The following RNLS variants were observed in gnomAD, a reference collection of about 807,000 sequenced individuals.
RNLS encodes renalase, FAD dependent amine oxidase.
A neutral mutation model predicts 39.8 loss-of-function variants in RNLS; 39 were observed. That is an observed-to-expected ratio of 0.98 (90% CI 0.76 to 1.28). RNLS has a LOEUF of 1.28. Among genes scored for constraint, RNLS ranks in the 50% most tolerant of loss-of-function variants. The probability of loss-of-function intolerance (pLI) is 0.00; values close to 1 mark genes in which losing one functional copy is unlikely to be tolerated. For synonymous variants in RNLS, 147 were observed against 150.7 expected, an observed-to-expected ratio of 0.98 and a Z score of 0.18; for missense variants, 410 against 413.3, an observed-to-expected ratio of 0.99 and a Z score of 0.07.
chr10:88,280,959 T>A (rs1378548664), downstream of RNLS, among the ~76,000 whole-genome samples: 4 of 152,190 alleles, frequency 2.6e-5, no homozygotes, highest in Non-Finnish European at 4.4e-5. Flanking sequence ...TTCCTTCTCC[T>A]TAGCAGGCTC....
rs577838661 is a variant in RNLS at position 88,310,801 on chromosome 10, C to CAAAAAAAAAAAAAA, written c.876+3651_876+3664dup. Reference sequence around the variant, plus strand: ...TGACAGATTTAGAGCCTACCTCTGCCAAAAAAAAAAAAAAAAAAAAAAAAA... The same window carrying CAAAAAAAAAAAAAA: ...TGACAGATTTAGAGCCTACCTCTGCCAAAAAAAAAAAAAAAAAAAAAAAAAAAAAAAAAAAAAAA... On this transcript the variant is annotated intron_variant, in intron 6 of 6. Coordinates refer to ENST00000331772, the MANE Select transcript of RNLS (RefSeq NM_001031709.3). 9.6e-3 allele frequency among the ~76,000 whole-genome samples: 188 copies of CAAAAAAAAAAAAAA among 19,588 alleles called. 10 individuals carry two copies. Among genetic ancestry groups the CAAAAAAAAAAAAAA allele is most frequent in the East Asian group, 0.025 (11 of 436 alleles). The allele number at this position is 19,588 out of a possible 152,430, so 12.9% of individuals were successfully genotyped here. A position where few individuals can be genotyped will look rare whatever the true frequency, so the allele number is the denominator to read the frequency against.
intron 4 of RNLS, among the ~76,000 whole-genome samples, chr10:88,540,800 C>T (rs1015019685): frequency 2.6e-5 from 4 of 151,948 alleles, no homozygotes; most frequent in African/African-American, 9.7e-5. Flanking sequence ...TACAGGCATG[C>T]CACATATAGT....
chr10:88,393,134 G>A (rs1488767363), intron 4 of RNLS, among the ~76,000 whole-genome samples: 1 of 152,168 alleles, frequency 6.6e-6, no homozygotes, highest in Non-Finnish European at 1.5e-5. Flanking sequence ...ACTGGCACAA[G>A]ACAGGGATGC....
chr10:88,292,178 A>G, intron 6 of RNLS, among the ~76,000 whole-genome samples: 1 of 151,458 alleles, frequency 6.6e-6, no homozygotes, highest in East Asian at 1.9e-4. Flanking sequence ...CCTTTGAGAT[A>G]TGGGTCTTGG....
intron 5 of RNLS, among the ~76,000 whole-genome samples, chr10:88,351,208 T>G (rs1440745598): frequency 6.6e-6 from 1 of 152,228 alleles, no homozygotes; most frequent in Non-Finnish European, 1.5e-5. Context: ...TAGTTTCTTT[T>G]GCTGTGCAGA....
At position 88,310,801 on chromosome 10, in the gene RNLS, C is replaced by CAAAAAAAAAAAAAAAAAAAAAA. The variant is rs577838661; in HGVS notation, c.876+3643_876+3664dup. 1.1e-3 allele frequency among the ~76,000 whole-genome samples: 21 copies of CAAAAAAAAAAAAAAAAAAAAAA among 19,590 alleles called. 1 individual carries two copies. Among genetic ancestry groups the CAAAAAAAAAAAAAAAAAAAAAA allele is most frequent in the Non-Finnish European group, 1.3e-3 (14 of 11,116 alleles). The allele number at this position is 19,590 out of a possible 152,430, so 12.9% of individuals were successfully genotyped here. A position where few individuals can be genotyped will look rare whatever the true frequency, so the allele number is the denominator to read the frequency against. On this transcript the variant is annotated intron_variant, in intron 6 of 6. Coordinates refer to ENST00000331772, the MANE Select transcript of RNLS (RefSeq NM_001031709.3). ...TGACAGATTTAGAGCCTACCTCTGCCAAAAAAAAAAAAAAAAAAAAAAAAA... is the reference window on the plus strand; with the variant it reads ...TGACAGATTTAGAGCCTACCTCTGCCAAAAAAAAAAAAAAAAAAAAAAAAAAAAAAAAAAAAAAAAAAAAAAA...
At chr10:88,178,374 C>T in the RNLS span, among the ~76,000 whole-genome samples, 1 of 152,174 alleles carries the variant, frequency 6.6e-6, no homozygotes, top group African/African-American at 2.4e-5. Flanking sequence ...TGTGAATCTT[C>T]TTTCTGGAAT....
intron 4 of RNLS, among the ~76,000 whole-genome samples, chr10:88,569,859 A>G (rs537068271): frequency 6.6e-6 from 1 of 152,140 alleles, no homozygotes; most frequent in African/African-American, 2.4e-5. Context: ...AATAAAAAAT[A>G]AAGATTATAT....
chr10:88,473,846 C>A (rs1009435248), intron 4 of RNLS, among the ~76,000 whole-genome samples: 2 of 151,950 alleles, frequency 1.3e-5, no homozygotes. Flanking sequence ...TTTTTCTCTC[C>A]TCTCTTCTTC....
intron 5 of RNLS, among the ~76,000 whole-genome samples, chr10:88,351,547 T>C (rs1452002630): frequency 6.6e-6 from 1 of 152,160 alleles, no homozygotes; most frequent in Non-Finnish European, 1.5e-5. Context: ...TGTAGATGTG[T>C]GGTATTATTT....
At chr10:88,416,738 GTCCTAGCTCCCA>G (rs1418818052) in intron 4 of RNLS, among the ~76,000 whole-genome samples, 2 of 152,088 alleles carry the variant, frequency 1.3e-5, no homozygotes, top group African/African-American at 4.8e-5. Flanking sequence ...TGTCCTATGT[GTCCTAGCTCCCA>G]TCCTATTGAA....
intron 5 of RNLS, among the ~76,000 whole-genome samples, chr10:88,338,146 C>T (rs767691763): frequency 6.6e-6 from 1 of 152,166 alleles, no homozygotes; most frequent in Non-Finnish European, 1.5e-5. Context: ...AAGAAAAGTT[C>T]ATCCTTCCCA....
chr10:88,313,969 C>T (rs886499599), intron 6 of RNLS, among the ~76,000 whole-genome samples: 1 of 152,170 alleles, frequency 6.6e-6, no homozygotes, highest in African/African-American at 2.4e-5. Flanking sequence ...CTGTCCTATG[C>T]AGGTACTTAT....
intron 4 of RNLS, among the ~76,000 whole-genome samples, chr10:88,391,538 C>A (rs1347060912): frequency 6.6e-6 from 1 of 152,134 alleles, no homozygotes; most frequent in Non-Finnish European, 1.5e-5. Context: ...AGCCTGGCGA[C>A]AGAGCGAGAC....
intron 6 of RNLS, among the ~76,000 whole-genome samples, chr10:88,313,719 G>A (rs530273106): frequency 6.6e-6 from 1 of 152,232 alleles, no homozygotes; most frequent in South Asian, 2.1e-4. Flanking sequence ...AGAAATCCCA[G>A]GAAAAAAATG....
Position 88,346,222 on chromosome 10 carries a change from T to A in RNLS, c.700+16330A>T, listed in dbSNP as rs376211234. Among the ~76,000 whole-genome samples, 10 of 152,250 alleles carry A rather than the reference T, an allele frequency of 6.6e-5. No homozygotes were observed. The East Asian group carries it at 1.9e-3, about 29-fold the overall frequency. On this transcript the variant is annotated intron_variant, in intron 5 of 6. Transcript: ENST00000331772. ...TTTAACAAACTATTAAAAAGAAATA[T>A]CCTTCACAAAGAGAACAGTGGGATT...
chr10:88,469,353 C>G (rs911477448), intron 4 of RNLS, among the ~76,000 whole-genome samples: 3 of 152,154 alleles, frequency 2.0e-5, no homozygotes, highest in Non-Finnish European at 4.4e-5. Context: ...CAGATAGAGA[C>G]AATCAGAGTC....
At chr10:88,312,859 C>A (rs1815899218) in intron 6 of RNLS, among the ~76,000 whole-genome samples, 1 of 152,008 alleles carries the variant, frequency 6.6e-6, no homozygotes, top group Non-Finnish European at 1.5e-5. Flanking sequence ...TACCCTCCCA[C>A]ATTTCTACCA....
chr10:88,330,668 C>A (rs1408757393), intron 5 of RNLS, among the ~76,000 whole-genome samples: 5 of 151,960 alleles, frequency 3.3e-5, no homozygotes, highest in Non-Finnish European at 5.9e-5. Context: ...TAAACTTGAT[C>A]AAGTTGAAAT....
Sources: allele counts gnomAD v4.1 joint callset (sites outside exome capture counted in the v4.1 genomes callset), GRCh38; gene constraint gnomAD v4.1.1; transcripts MANE v1.5; gene names NCBI Gene and HGNC (gene_info 2026-07-23, HGNC 2026-07-21).